Variants in DACH2 observed in about 807,000 individuals in gnomAD.
The protein encoded by DACH2 is dachshund homolog 2.
A neutral mutation model predicts 35.8 loss-of-function variants in DACH2; 17 were observed. That is an observed-to-expected ratio of 0.48 (90% CI 0.33 to 0.71). The LOEUF (loss-of-function observed/expected upper bound fraction) is 0.71. DACH2 is among the 30% of genes least tolerant of loss of function. The pLI is 0.02. For missense variants in DACH2, 469 were observed against 472.7 expected (o/e 0.99, Z 0.07); for synonymous variants, 195 against 177.3 (o/e 1.10, Z -0.79).
chrX:86,296,977 C>T (rs946357497), intron 1 of DACH2, among the ~76,000 whole-genome samples: 1 of 107,115 alleles, frequency 9.3e-6, no homozygotes, highest in African/African-American at 3.4e-5. Context: ...TATATGCAAA[C>T]ATACGTTTTC....
At chrX:86,421,178 T>C (rs2036796552) in intron 2 of DACH2, among the ~76,000 whole-genome samples, 1 of 111,965 alleles carries the variant, frequency 8.9e-6, no homozygotes. Flanking sequence ...CACCTCTTTA[T>C]AGAACTTGAA....
intron 7 of DACH2, among the ~76,000 whole-genome samples, chrX:86,773,108 A>G (rs775149236): frequency 9.0e-6 from 1 of 111,716 alleles, no homozygotes; most frequent in Non-Finnish European, 1.9e-5. Context: ...AACCTAAGGA[A>G]CCTGATTAAA....
chrX:86,566,168 T>C (rs957062681), intron 3 of DACH2, among the ~76,000 whole-genome samples: 1 of 111,950 alleles, frequency 8.9e-6, no homozygotes, highest in Admixed American at 9.5e-5. Context: ...ATTAGATCAT[T>C]AAAAATAATA....
chrX:86,451,172 T>C (rs1270641345), intron 2 of DACH2, among the ~76,000 whole-genome samples: 4 of 111,618 alleles, frequency 3.6e-5, no homozygotes, highest in African/African-American at 1.3e-4. Flanking sequence ...ATTGCCTAGA[T>C]TTTCTTCTAG....
rs1378300889 is a variant in DACH2 at position 86,698,519 on chromosome X, G to GTTTTTTTTTTTTTTTT, written c.931+3341_931+3342insTTTTTTTTTTTTTTTT. Among the ~76,000 whole-genome samples, 200 of 32,055 alleles carry GTTTTTTTTTTTTTTTT rather than the reference G, an allele frequency of 6.2e-3. 28 individuals carry two copies. The highest frequency in any genetic ancestry group is 0.01 in the Admixed American group (25 of 2,466). The allele number at this position is 32,055 out of a possible 115,157, so 27.8% of individuals were successfully genotyped here. On this transcript the variant is annotated intron_variant, in intron 5 of 11. Transcript: ENST00000373125. The stretch of plus-strand genomic sequence containing the variant: ...TTCTTCTTTTTGTTTTGTTAGTTTT[G>GTTTTTTTTTTTTTTTT]TGTTTTTTTTTTTTTTTTTTTTTTT...
chrX:86,269,809 G>A (rs2033779712), intron 1 of DACH2, among the ~76,000 whole-genome samples: 1 of 109,585 alleles, frequency 9.1e-6, no homozygotes, highest in Non-Finnish European at 1.9e-5. Context: ...TTGTCATTTT[G>A]TGTTAAAAAG....
At chrX:86,805,184 G>A (rs766206275) in intron 7 of DACH2, among the ~76,000 whole-genome samples, 12 of 112,780 alleles carry the variant, frequency 1.1e-4, no homozygotes, top group African/African-American at 3.2e-4. Flanking sequence ...CTAAAATTTA[G>A]GCACAGGCTC....
chrX:86,761,554 C>T (rs1398938812), intron 7 of DACH2, among the ~76,000 whole-genome samples: 2 of 111,443 alleles, frequency 1.8e-5, no homozygotes, highest in Non-Finnish European at 3.8e-5. Flanking sequence ...TGGGTATATA[C>T]CCAAAGGATT....
chrX:86,647,476 A>C (rs1040286618), intron 3 of DACH2, among the ~76,000 whole-genome samples: 5 of 110,819 alleles, frequency 4.5e-5, no homozygotes, highest in African/African-American at 1.3e-4. Context: ...AAAATAGTCA[A>C]ACTCATGGAA....
intron 1 of DACH2, among the ~76,000 whole-genome samples, chrX:86,375,268 C>T (rs1318774731): frequency 3.8e-5 from 4 of 104,832 alleles, no homozygotes; most frequent in African/African-American, 1.4e-4. Flanking sequence ...TAAGTTTAAC[C>T]TATGAAACTC....
chrX:86,694,410 A>G (rs890015798), intron 4 of DACH2, among the ~76,000 whole-genome samples: 6 of 112,090 alleles, frequency 5.4e-5, no homozygotes, highest in Non-Finnish European at 1.1e-4. Context: ...TCATGATAAT[A>G]TAGTATTCTG....
chrX:86,487,095 A>AT (rs2038029592), intron 2 of DACH2, among the ~76,000 whole-genome samples: 1 of 111,567 alleles, frequency 9.0e-6, no homozygotes, highest in South Asian at 3.7e-4. Context: ...ATATACTATT[A>AT]TTTTTTAAAG....
At chrX:86,237,076 TG>T (rs2033071106) in intron 1 of DACH2, among the ~76,000 whole-genome samples, 1 of 112,037 alleles carries the variant, frequency 8.9e-6, no homozygotes, top group Non-Finnish European at 1.9e-5. Context: ...TAAACTTTCT[TG>T]TTAAAAGTTA....
chrX:86,618,602 A>T (rs2040034597), intron 3 of DACH2, among the ~76,000 whole-genome samples: 1 of 112,396 alleles, frequency 8.9e-6, no homozygotes, highest in Non-Finnish European at 1.9e-5. Flanking sequence ...ATGTGAATCT[A>T]TACATAGATG....
chrX:86,611,154 C>A (rs2039939293), intron 3 of DACH2, among the ~76,000 whole-genome samples: 1 of 110,529 alleles, frequency 9.0e-6, no homozygotes, highest in African/African-American at 3.3e-5. Flanking sequence ...GGTTTGAGCT[C>A]TTGCCTTTAA....
intron 1 of DACH2, among the ~76,000 whole-genome samples, chrX:86,186,631 T>C (rs897412005): frequency 9.0e-6 from 1 of 111,501 alleles, no homozygotes; most frequent in African/African-American, 3.3e-5. Context: ...GAAAAAGTCT[T>C]ACATCTCGGC....
chrX:86,168,228 C>A (rs2031007260), intron 1 of DACH2, among the ~76,000 whole-genome samples: 1 of 111,513 alleles, frequency 9.0e-6, no homozygotes, highest in Non-Finnish European at 1.9e-5. Flanking sequence ...TTATTGGGTG[C>A]ACAGTTATTT....
intron 1 of DACH2, among the ~76,000 whole-genome samples, chrX:86,260,614 G>A (rs762807933): frequency 1.8e-4 from 20 of 112,233 alleles, no homozygotes; most frequent in Non-Finnish European, 2.6e-4. Flanking sequence ...TTCAATATGC[G>A]TTTGTTTAAT....
chrX:86,158,522 C>T (rs1456377134), intron 1 of DACH2, among the ~76,000 whole-genome samples: 2 of 103,338 alleles, frequency 1.9e-5, no homozygotes, highest in South Asian at 4.3e-4. Context: ...ATAGCCTGTG[C>T]GTGTGTGTGT....
Sources: gnomAD v4.1 joint callset for allele counts (sites outside exome capture counted in the v4.1 genomes callset) on GRCh38, gnomAD v4.1.1 for gene constraint, MANE v1.5 for transcripts, NCBI Gene and HGNC (gene_info 2026-07-23, HGNC 2026-07-21) for gene names.